Variants in CAST observed in about 807,000 individuals in gnomAD.
CAST encodes calpastatin.
Under a neutral mutation model 119.6 loss-of-function variants are expected in CAST, and 76 were observed. That is an observed-to-expected ratio of 0.64 (90% CI 0.53 to 0.77). CAST has a LOEUF of 0.77. Among genes scored for constraint, CAST ranks in the 30% least tolerant of loss-of-function variants. CAST has a pLI of 0.00. For missense variants in CAST, 953 were observed against 946.5 expected, an observed-to-expected ratio of 1.01 and a Z score of -0.09; for synonymous variants, 319 against 331.6, an observed-to-expected ratio of 0.96 and a Z score of 0.41.
rs546856663 is a variant in CAST at position 96,732,279 on chromosome 5, C to T, written c.630+1419C>T. 8.7e-4 allele frequency among the ~76,000 whole-genome samples: 118 copies of T among 134,862 alleles called. 2 individuals carry two copies. In the Middle Eastern group the frequency reaches 0.014, roughly 17 times the overall value. The allele number at this position is 134,862 out of a possible 152,430, so 88.5% of individuals were successfully genotyped here. A position where few individuals can be genotyped will look rare whatever the true frequency, so the allele number is the denominator to read the frequency against. Reference sequence around the variant, plus strand: ...TGATGATGAGCATTTTTTCATGTGTCTTTTGGCTGCATAAATGTCTTCTTT... The same window carrying T: ...TGATGATGAGCATTTTTTCATGTGTTTTTTGGCTGCATAAATGTCTTCTTT... On this transcript the variant is annotated intron_variant, in intron 9 of 31. Transcript: ENST00000675179.
At chr5:96,203,491 A>C in the CAST span, among the ~76,000 whole-genome samples, 3 of 152,052 alleles carry the variant, frequency 2.0e-5, no homozygotes, top group African/African-American at 7.2e-5. Context: ...ATATGTGTTT[A>C]TTTGTAAACA....
the CAST span, among the ~76,000 whole-genome samples, chr5:96,506,031 C>T: frequency 3.3e-5 from 5 of 152,194 alleles, no homozygotes; most frequent in Non-Finnish European, 7.3e-5. Flanking sequence ...TTTCTGCTAC[C>T]TACAAGTTTT....
At chr5:96,379,699 T>G in the CAST span, 1 of 152,186 alleles carries the variant, frequency 6.6e-6, no homozygotes, top group African/African-American at 2.4e-5. Context: ...TTTTAAAATA[T>G]TATTTTCTCT....
the CAST span, among the ~76,000 whole-genome samples, chr5:96,023,549 G>A: frequency 2.0e-5 from 3 of 152,116 alleles, no homozygotes; most frequent in African/African-American, 7.2e-5. Flanking sequence ...TGCTTTCAGA[G>A]TCTCTGAAAC....
chr5:96,130,044 C>T, the CAST span, among the ~76,000 whole-genome samples: 20 of 116,154 alleles, frequency 1.7e-4, no homozygotes, highest in Non-Finnish European at 1.4e-4. Context: ...TTTTTTGAGA[C>T]GGAGTCTTGC....
the CAST span, among the ~76,000 whole-genome samples, chr5:96,028,262 T>C: frequency 6.6e-6 from 1 of 152,024 alleles, no homozygotes; most frequent in African/African-American, 2.4e-5. Flanking sequence ...AAACAATTGA[T>C]AGTATTCAAG....
At chr5:96,758,524 A>G (rs1468814503) in intron 24 of CAST, among the ~76,000 whole-genome samples, 1 of 152,178 alleles carries the variant, frequency 6.6e-6, no homozygotes, top group Non-Finnish European at 1.5e-5. Flanking sequence ...CACTGAATGT[A>G]TTATTAGCAG....
chr5:96,221,113 T>C, the CAST span, among the ~76,000 whole-genome samples: 83 of 152,254 alleles, frequency 5.5e-4, no homozygotes, highest in African/African-American at 1.9e-3. Flanking sequence ...AAGAACATAT[T>C]CTGAAGTCCT....
chr5:96,757,439 G>C lies in CAST; in HGVS notation c.1711-5G>C. The C allele has an allele frequency of 1.2e-6, 2 of 1,613,704 alleles. No individual in the cohort carries two copies. Among genetic ancestry groups the C allele is most frequent in the Non-Finnish European group, 1.7e-6 (2 of 1,179,622 alleles). ...TTCATGCCATGTGTTTTCCCCCCCG[G>C]ATAGGATAAAGATGGAAAGCCACTC... On this transcript the variant is annotated splice_polypyrimidine_tract_variant and splice_region_variant and intron_variant, in intron 22 of 31. Transcript: ENST00000675179.
chr5:96,326,674 A>T, the CAST span, among the ~76,000 whole-genome samples: 1 of 150,060 alleles, frequency 6.7e-6, no homozygotes, highest in Non-Finnish European at 1.5e-5. Context: ...AATTACTCAA[A>T]GGCAGGAACT....
the CAST span, among the ~76,000 whole-genome samples, chr5:96,106,341 C>A: frequency 6.6e-6 from 1 of 152,126 alleles, no homozygotes; most frequent in Non-Finnish European, 1.5e-5. Flanking sequence ...ATCTTTCCTG[C>A]TTTCTCTTGT....
chr5:96,477,108 AC>A, the CAST span, among the ~76,000 whole-genome samples: 1 of 134,092 alleles, frequency 7.5e-6, no homozygotes, highest in African/African-American at 2.7e-5. Context: ...ACACACACAC[AC>A]ACAAATTATC....
chr5:96,536,203 C>G (rs1745811714), intron 1 of CAST, among the ~76,000 whole-genome samples: 1 of 151,570 alleles, frequency 6.6e-6, no homozygotes, highest in African/African-American at 2.4e-5. Flanking sequence ...GCTAAAAATA[C>G]AAAAAATTAG....
intron 16 of CAST, 123 bp from the exon 17 acceptor site, chr5:96,746,219 C>G: frequency 1.5e-6 from 1 of 675,036 alleles, no homozygotes; most frequent in East Asian, 2.7e-5. Context: ...TTACAAGGCT[C>G]TTCCAGATGC....
chr5:96,638,896 CCTT>C (rs1747915793), intron 1 of CAST, among the ~76,000 whole-genome samples: 1 of 152,188 alleles, frequency 6.6e-6, no homozygotes, highest in South Asian at 2.1e-4. Flanking sequence ...AGTTTCATCT[CCTT>C]CTCTCTACCG....
chr5:96,165,365 T>C, the CAST span, among the ~76,000 whole-genome samples: 1 of 152,066 alleles, frequency 6.6e-6, no homozygotes, highest in Non-Finnish European at 1.5e-5. Flanking sequence ...ACCAGAAAAG[T>C]CCATGTGGAA....
chr5:96,069,379 GTGTCTA>G, the CAST span, among the ~76,000 whole-genome samples: 17 of 54,282 alleles, frequency 3.1e-4, no homozygotes, highest in South Asian at 1.2e-3. Flanking sequence ...GTGTGTGTGT[GTGTCTA>G]TGTGTGTGTG....
chr5:96,362,094 T>C, the CAST span, among the ~76,000 whole-genome samples: 1 of 152,146 alleles, frequency 6.6e-6, no homozygotes, highest in Non-Finnish European at 1.5e-5. Flanking sequence ...TTTGGTTTTC[T>C]GTCCTTGCGA....
the CAST span, among the ~76,000 whole-genome samples, chr5:96,419,509 G>A: frequency 6.7e-6 from 1 of 149,596 alleles, no homozygotes; most frequent in East Asian, 2.0e-4. Context: ...TTTTTCAAAA[G>A]ATGATAAAAC....
Sources: allele counts gnomAD v4.1 joint callset (sites outside exome capture counted in the v4.1 genomes callset), GRCh38; gene constraint gnomAD v4.1.1; transcripts MANE v1.5; gene names NCBI Gene and HGNC (gene_info 2026-07-23, HGNC 2026-07-21).